UBE3D: variants seen among roughly 807,000 people sequenced by gnomAD.
UBE3D encodes the protein E3 ubiquitin-protein ligase E3D.
In UBE3D, 48 loss-of-function variants were observed where a neutral mutation model predicts 49.6. The observed-to-expected ratio is 0.97, with a 90% CI of 0.77 to 1.23. The LOEUF is 1.23. UBE3D is among the 50% of genes most tolerant of loss of function. The pLI, the probability that UBE3D is intolerant of heterozygous loss-of-function variation, is 0.00. For missense variants in UBE3D, 452 were observed against 468.4 expected (o/e 0.96, Z 0.32); for synonymous variants, 189 against 174.2 (o/e 1.08, Z -0.67).
intron 8 of UBE3D, among the ~76,000 whole-genome samples, chr6:82,964,485 G>A (rs760669519): frequency 2.0e-5 from 3 of 152,026 alleles, no homozygotes; most frequent in South Asian, 2.1e-4. Context: ...CTTAAACCTC[G>A]TTTCTCATAT....
the UBE3D span, among the ~76,000 whole-genome samples, chr6:82,886,323 A>G: frequency 6.6e-6 from 1 of 152,146 alleles, no homozygotes; most frequent in Admixed American, 6.5e-5. Context: ...TCTTATAAGG[A>G]GCACGCAACC....
chr6:82,920,514 C>A (rs1006180821), intron 9 of UBE3D, among the ~76,000 whole-genome samples: 1 of 152,136 alleles, frequency 6.6e-6, no homozygotes, highest in African/African-American at 2.4e-5. Context: ...CCTTGATGAC[C>A]CAAGGTCAAC....
chr6:83,015,511 C>T (rs1780634966), intron 8 of UBE3D, among the ~76,000 whole-genome samples: 1 of 152,206 alleles, frequency 6.6e-6, no homozygotes, highest in Non-Finnish European at 1.5e-5. Flanking sequence ...TCAGGCTGAT[C>T]CAACTCTATG....
chr6:83,058,560 A>C (rs767934068), intron 1 of UBE3D, among the ~76,000 whole-genome samples: 3 of 152,328 alleles, frequency 2.0e-5, no homozygotes, highest in Non-Finnish European at 2.9e-5. Flanking sequence ...AAAAGTATAG[A>C]GGGGATAAAG....
Position 83,065,745 on chromosome 6 carries a change from C to CA in UBE3D, c.-28dup, listed in dbSNP as rs751375009. On this transcript the variant is annotated 5_prime_UTR_variant, in exon 1 of 10. Transcript: ENST00000369747. Reference sequence around the variant, plus strand: ...GCAGGCTTCCAGTCCCAGACCGGACCAAGCTGGAGGTTCCGAGGGGCCCGG... The same window carrying CA: ...GCAGGCTTCCAGTCCCAGACCGGACCAAAGCTGGAGGTTCCGAGGGGCCCGG... 8.8e-6 allele frequency: 14 copies of CA among 1,599,116 alleles called. No homozygotes were observed. The Admixed American group carries it at 2.2e-4, about 26-fold the overall frequency.
chr6:83,038,576 A>G, intron 4 of UBE3D, 91 bp from the exon 5 acceptor site: 1 of 1,132,356 alleles, frequency 8.8e-7, no homozygotes, highest in Admixed American at 2.4e-5. Context: ...TATACATTGA[A>G]CTTTACATTT....
intron 8 of UBE3D, among the ~76,000 whole-genome samples, chr6:82,989,739 G>A (rs1448264342): frequency 2.6e-5 from 4 of 152,108 alleles, no homozygotes; most frequent in Non-Finnish European, 4.4e-5. Context: ...CCCATGTTAA[G>A]TTCTTTTTAC....
chr6:83,025,478 G>C (rs897811396), intron 5 of UBE3D, among the ~76,000 whole-genome samples: 2 of 151,806 alleles, frequency 1.3e-5, no homozygotes, highest in African/African-American at 4.8e-5. Context: ...AAAATGATAA[G>C]GTGTACTGCT....
At chr6:83,020,645 A>G (rs999253691) in intron 7 of UBE3D, among the ~76,000 whole-genome samples, 13 of 152,350 alleles carry the variant, frequency 8.5e-5, no homozygotes, top group African/African-American at 2.6e-4. Context: ...AGTAAAACTG[A>G]TTTCAGAAAA....
At chr6:82,976,214 T>C (rs1452122288) in intron 8 of UBE3D, among the ~76,000 whole-genome samples, 1 of 152,190 alleles carries the variant, frequency 6.6e-6, no homozygotes, top group Admixed American at 6.5e-5. Flanking sequence ...TCCATTCATA[T>C]TTTTTATTAT....
intron 8 of UBE3D, among the ~76,000 whole-genome samples, chr6:82,966,995 TATTTTTTTC>T (rs1201154476): frequency 3.3e-5 from 5 of 152,326 alleles, no homozygotes; most frequent in East Asian, 3.9e-4. Flanking sequence ...ACCTTAAAAA[TATTTTTTTC>T]ATTTTTTTCA....
the UBE3D span, among the ~76,000 whole-genome samples, chr6:82,883,492 C>T: frequency 1.3e-5 from 2 of 152,136 alleles, no homozygotes; most frequent in Non-Finnish European, 2.9e-5. Flanking sequence ...AAATACTGGA[C>T]CTGACCTCAA....
chr6:82,983,715 C>T (rs916191668), intron 8 of UBE3D, among the ~76,000 whole-genome samples: 1 of 152,064 alleles, frequency 6.6e-6, no homozygotes, highest in Non-Finnish European at 1.5e-5. Flanking sequence ...TTTGACTTAT[C>T]CTAAAATCCA....
At chr6:83,003,813 G>A (rs1311234360) in intron 8 of UBE3D, among the ~76,000 whole-genome samples, 4 of 152,138 alleles carry the variant, frequency 2.6e-5, no homozygotes, top group Non-Finnish European at 5.9e-5. Context: ...ATGTCACTGT[G>A]CAGTTCATGA....
intron 9 of UBE3D, among the ~76,000 whole-genome samples, chr6:82,914,007 A>G (rs1434066550): frequency 2.0e-5 from 3 of 152,202 alleles, no homozygotes; most frequent in Admixed American, 6.5e-5. Flanking sequence ...ACAGAACACT[A>G]GAGTTTAAGA....
chr6:82,994,644 T>C, intron 8 of UBE3D, among the ~76,000 whole-genome samples: 1 of 152,178 alleles, frequency 6.6e-6, no homozygotes, highest in East Asian at 1.9e-4. Flanking sequence ...ACTAGGTTGA[T>C]GCAATGATGA....
intron 1 of UBE3D, among the ~76,000 whole-genome samples, chr6:83,059,551 G>A (rs1004057583): frequency 6.6e-6 from 1 of 152,202 alleles, no homozygotes. Context: ...ACTGTGTAGA[G>A]TTGACACTTC....
chr6:82,964,330 C>T (rs987112967), intron 8 of UBE3D, among the ~76,000 whole-genome samples: 2 of 151,946 alleles, frequency 1.3e-5, no homozygotes, highest in Non-Finnish European at 2.9e-5. Flanking sequence ...ACATGGAGGT[C>T]GTTTAATGTA....
At chr6:82,912,848 A>G (rs1272676166) in intron 9 of UBE3D, among the ~76,000 whole-genome samples, 2 of 152,172 alleles carry the variant, frequency 1.3e-5, no homozygotes, top group African/African-American at 2.4e-5. Context: ...AACAACAAAC[A>G]ACCTTTTTTT....
Sources: allele counts gnomAD v4.1 joint callset (sites outside exome capture counted in the v4.1 genomes callset), GRCh38; gene constraint gnomAD v4.1.1; transcripts MANE v1.5; gene names NCBI Gene and HGNC (gene_info 2026-07-23, HGNC 2026-07-21).